SLC36A2: variants seen among roughly 807,000 people sequenced by gnomAD.
SLC36A2 encodes solute carrier family 36 member 2.
A neutral mutation model predicts 42.7 loss-of-function variants in SLC36A2; 39 were observed. The observed-to-expected ratio is 0.91, with a 90% CI of 0.71 to 1.19. The LOEUF (loss-of-function observed/expected upper bound fraction) is 1.19, where lower values mean the gene tolerates loss of function less well. Ranked by LOEUF, SLC36A2 falls within the 50% of genes most tolerant of loss-of-function variation. The pLI is 0.00. For synonymous variants in SLC36A2, 237 were observed against 240.8 expected (o/e 0.98, Z 0.15); for missense variants, 590 against 613.7 (o/e 0.96, Z 0.41).
intron 8 of SLC36A2, among the ~76,000 whole-genome samples, chr5:151,324,122 C>T (rs1246130561): frequency 6.6e-6 from 1 of 152,030 alleles, no homozygotes. Context: ...TTACAGATTC[C>T]AATGGTCTTC....
chr5:151,328,833 C>G (rs1755918350), intron 7 of SLC36A2, among the ~76,000 whole-genome samples: 1 of 152,174 alleles, frequency 6.6e-6, no homozygotes, highest in African/African-American at 2.4e-5. Flanking sequence ...GAAGGTTGGA[C>G]CCTATGTGGC....
chr5:151,334,047 G>A (rs548291955), intron 6 of SLC36A2, among the ~76,000 whole-genome samples: 2 of 152,210 alleles, frequency 1.3e-5, no homozygotes, highest in South Asian at 4.2e-4. Flanking sequence ...TAAATTGAAG[G>A]GGAGAAGACT....
At chr5:151,329,832 G>A (rs558644950) in intron 7 of SLC36A2, among the ~76,000 whole-genome samples, 20 of 152,274 alleles carry the variant, frequency 1.3e-4, no homozygotes, top group Admixed American at 3.3e-4. Flanking sequence ...TGAACAACAT[G>A]GGTTTGAACC....
intron 6 of SLC36A2, among the ~76,000 whole-genome samples, chr5:151,334,574 C>T (rs1260293180): frequency 6.6e-6 from 1 of 152,064 alleles, no homozygotes; most frequent in Admixed American, 6.5e-5. Context: ...GCCTGTAGTC[C>T]CAGCTACTCG....
chr5:151,315,792 T>G lies in SLC36A2; in HGVS notation c.*1025A>C, dbSNP rs184264970. On this transcript the variant is annotated 3_prime_UTR_variant, in exon 10 of 10. Coordinates refer to ENST00000335244, the MANE Select transcript of SLC36A2 (RefSeq NM_181776.3). ...AAAATCTTGTTTGGCACACAGTAGG[T>G]AATCAAGAATGCATGTTGCAAGAAT... 6.6e-6 allele frequency: 1 copy of G among 152,376 alleles called. No individual in the cohort carries two copies. The highest frequency in any genetic ancestry group is 2.4e-5 in the African/African-American group (1 of 41,594). 9.4% of individuals were successfully genotyped at this position (152,376 alleles called of 1,614,324 possible). A position where few individuals can be genotyped will look rare whatever the true frequency, so the allele number is the denominator to read the frequency against.
intron 4 of SLC36A2, among the ~76,000 whole-genome samples, chr5:151,340,308 C>CGAG (rs1002313706): frequency 1.3e-5 from 2 of 148,486 alleles, no homozygotes; most frequent in East Asian, 2.0e-4. Context: ...AAGAAGAAGA[C>CGAG]GAGGAGGAGG....
Position 151,322,099 on chromosome 5 carries a change from C to T in SLC36A2, c.1127G>A (p.Arg376His), listed in dbSNP as rs781223714. The T allele has an allele frequency of 3.2e-5, 51 of 1,614,038 alleles. No individual in the cohort carries two copies. The highest frequency in any genetic ancestry group is 3.9e-5 in the Non-Finnish European group (46 of 1,180,042). Reference protein sequence around the residue: ...IPFAISRVSTRWALPLDLSIR... With the variant: ...IPFAISRVSTHWALPLDLSIR... The stretch of plus-strand genomic sequence containing the variant: ...GGACAGATCCAGAGGCAGTGCCCAG[C>T]GTGTTGACACCCGGGAGATGGCAAA... The change falls in exon 9 of 10, where the codon CGC becomes CAC. Residue 376 changes from arginine to histidine, a missense_variant. Arg to His is a conservative substitution (Grantham distance 29). Transcript: ENST00000335244.
At chr5:151,331,903 G>A (rs1216999929) in intron 7 of SLC36A2, among the ~76,000 whole-genome samples, 2 of 152,016 alleles carry the variant, frequency 1.3e-5, no homozygotes, top group African/African-American at 2.4e-5. Context: ...GTCTTGCTCT[G>A]TCACCCAGGC....
At chr5:151,337,469 TCTA>T (rs764498012) in intron 5 of SLC36A2, among the ~76,000 whole-genome samples, 3 of 152,196 alleles carry the variant, frequency 2.0e-5, no homozygotes, top group Non-Finnish European at 2.9e-5. Context: ...TAGAACACAC[TCTA>T]CTTGGCTGTA....
At chr5:151,341,800 C>A (rs1021714728) in intron 4 of SLC36A2, among the ~76,000 whole-genome samples, 6 of 152,156 alleles carry the variant, frequency 3.9e-5, no homozygotes, top group Non-Finnish European at 7.3e-5. Context: ...CATATATCCC[C>A]ACTAGACATC....
intron 4 of SLC36A2, 35 bp from the exon 5 acceptor site, chr5:151,339,179 T>C: frequency 1.3e-6 from 2 of 1,528,318 alleles, no homozygotes; most frequent in South Asian, 2.2e-5. Context: ...AGAAAACTTG[T>C]TATAAAATAA....
chr5:151,330,206 A>G (rs1210299152), intron 7 of SLC36A2, among the ~76,000 whole-genome samples: 1 of 152,246 alleles, frequency 6.6e-6, no homozygotes, highest in African/African-American at 2.4e-5. Context: ...ACAAACTTTT[A>G]CAGATTCAAG....
At chr5:151,336,405 A>C (rs1018198818) in intron 5 of SLC36A2, among the ~76,000 whole-genome samples, 2 of 148,092 alleles carry the variant, frequency 1.4e-5, no homozygotes, top group African/African-American at 5.0e-5. Context: ...TTTTTAATTT[A>C]GTGGAAGGTA....
At chr5:151,331,492 T>A (rs1022431025) in intron 7 of SLC36A2, among the ~76,000 whole-genome samples, 17 of 128,976 alleles carry the variant, frequency 1.3e-4, no homozygotes, top group Non-Finnish European at 2.6e-4. Context: ...ATTAAAAAAT[T>A]TTTTTTTGCA....
rs755135199 is a variant in SLC36A2 at position 151,333,304 on chromosome 5, G to A, written c.763C>T (p.Arg255Trp). The stretch of plus-strand genomic sequence containing the variant: ...TTCCAGCTTGCTACCAGTGGCAACC[G>A]GCTGGGGTCTGGGATTTCCTAAAGA... ...YITQEIPDPS[R>W]LPLVASWKTY... Residue 255 changes from arginine (R) to tryptophan (W), a missense_variant, in exon 7 of 10, where the codon CGG (arginine) becomes TGG (tryptophan). Transcript: ENST00000335244. 5.6e-6 allele frequency: 9 copies of A among 1,614,000 alleles called. No individual in the cohort carries two copies. The highest frequency in any genetic ancestry group is 4.4e-5 in the South Asian group (4 of 91,072).
intron 7 of SLC36A2, among the ~76,000 whole-genome samples, chr5:151,328,418 T>C (rs1755906714): frequency 6.6e-6 from 1 of 152,244 alleles, no homozygotes; most frequent in African/African-American, 2.4e-5. Flanking sequence ...ACCCAAATCT[T>C]AGAACTATGC....
chr5:151,342,876 A>G lies in SLC36A2; in HGVS notation c.440+12T>C, dbSNP rs746878571. On this transcript the variant is annotated intron_variant, in intron 4 of 9. Coordinates refer to ENST00000335244, the MANE Select transcript of SLC36A2 (RefSeq NM_181776.3). Reference sequence around the variant, plus strand: ...GTCCTACCCCACTGCAGGCAAAGCAAGAACAGGTTACCTTCCCCAGTGAGC... The same window carrying G: ...GTCCTACCCCACTGCAGGCAAAGCAGGAACAGGTTACCTTCCCCAGTGAGC... 1.2e-6 allele frequency: 2 copies of G among 1,613,262 alleles called. No individual in the cohort carries two copies. Among genetic ancestry groups the G allele is most frequent in the Non-Finnish European group, 1.7e-6 (2 of 1,179,212 alleles).
At position 151,340,308 on chromosome 5, in the gene SLC36A2, CGAG is replaced by C. The variant is rs1002313706; in HGVS notation, c.441-1167_441-1165del. On this transcript the variant is annotated intron_variant, in intron 4 of 9. Transcript: ENST00000335244. ...AAGAGGAAGAGGAGGAAGAAGAAGA[CGAG>C]GAGGAGGAGGAGGACAGTTTTAGGA... Among the ~76,000 whole-genome samples, 153 of 148,478 alleles carry C rather than the reference CGAG, an allele frequency of 1.0e-3. No individual in the cohort carries two copies. The South Asian group carries it at 0.01, about 10-fold the overall frequency.
intron 8 of SLC36A2, among the ~76,000 whole-genome samples, chr5:151,324,867 T>G (rs1203478677): frequency 2.0e-5 from 3 of 152,184 alleles, no homozygotes; most frequent in African/African-American, 7.2e-5. Flanking sequence ...CCAATTGGTT[T>G]TTGTTTTCCA....
Sources: gnomAD v4.1 joint callset for allele counts (sites outside exome capture counted in the v4.1 genomes callset) on GRCh38, gnomAD v4.1.1 for gene constraint, MANE v1.5 for transcripts, NCBI Gene and HGNC (gene_info 2026-07-23, HGNC 2026-07-21) for gene names.